The following COL27A1 variants were observed in gnomAD, a reference collection of about 807,000 sequenced individuals.
COL27A1 encodes collagen alpha-1(XXVII) chain.
COL27A1 carries 106 observed loss-of-function variants against 251.3 expected under a neutral mutation model. That is an observed-to-expected ratio of 0.42 (90% CI 0.36 to 0.50). The LOEUF (loss-of-function observed/expected upper bound fraction) is 0.50, where lower values mean the gene tolerates loss of function less well. Ranked by LOEUF, COL27A1 falls within the 20% of genes least tolerant of loss-of-function variation. The pLI is 0.00. For synonymous variants in COL27A1, 1,000 were observed against 986.3 expected, an observed-to-expected ratio of 1.01 and a Z score of -0.26; for missense variants, 2,325 against 2,522.8, an observed-to-expected ratio of 0.92 and a Z score of 1.68.
At chr9:114,231,718 G>A in intron 15 of COL27A1, 104 bp from the exon 16 acceptor site, 1 of 1,131,602 alleles carries the variant, frequency 8.8e-7, no homozygotes, top group Non-Finnish European at 1.3e-6. Context: ...ACTGAGGTTG[G>A]GGGATCTAGC....
chr9:114,270,698 C>T, intron 35 of COL27A1, 30 bp from the exon 36 acceptor site: 2 of 1,583,158 alleles, frequency 1.3e-6, no homozygotes, highest in Non-Finnish European at 1.7e-6. Flanking sequence ...CCAGTAACAT[C>T]TCCTCCTCTT....
At chr9:114,269,347 G>T (rs1020314074) in intron 35 of COL27A1, 53 bp downstream of exon 35, 20 of 1,362,362 alleles carry the variant, frequency 1.5e-5, no homozygotes, top group African/African-American at 4.3e-5. Context: ...TGTGGGTGCC[G>T]CAGGGGAAGA....
intron 6 of COL27A1, among the ~76,000 whole-genome samples, chr9:114,195,182 G>A (rs1053418259): frequency 6.6e-6 from 1 of 152,180 alleles, no homozygotes; most frequent in Non-Finnish European, 1.5e-5. Context: ...CTGATGGATG[G>A]AACACTGCTT....
chr9:114,263,584 G>A (rs1022282010), intron 28 of COL27A1, among the ~76,000 whole-genome samples: 7 of 152,162 alleles, frequency 4.6e-5, no homozygotes, highest in Admixed American at 1.3e-4. Flanking sequence ...GGATGAGAGC[G>A]GCTAATGTGT....
At chr9:114,243,149 T>C (rs937303401) in intron 22 of COL27A1, among the ~76,000 whole-genome samples, 3 of 152,186 alleles carry the variant, frequency 2.0e-5, no homozygotes, top group Non-Finnish European at 4.4e-5. Flanking sequence ...ACCCCTGTAG[T>C]CCTCAGGCCA....
chr9:114,252,447 G>A, intron 25 of COL27A1, 146 bp from the exon 26 acceptor site: 1 of 678,388 alleles, frequency 1.5e-6, no homozygotes. Flanking sequence ...GGGTGATGTG[G>A]CCATGAACTA....
chr9:114,269,193 G>A, intron 34 of COL27A1, 48 bp from the exon 35 acceptor site: 1 of 1,422,584 alleles, frequency 7.0e-7, no homozygotes, highest in East Asian at 2.5e-5. Flanking sequence ...GTCGAGAGCT[G>A]GGGCTGGCCC....
In COL27A1 at chr9:114,155,877, C is replaced by T. The variant is rs1564401918; in HGVS notation, c.-74C>T. ...TCTAAGCCGGCCTGGCGCGGCGGGG[C>T]GGGGGGCTGGCGGCCCCATGGGGCG... On this transcript the variant is annotated 5_prime_UTR_variant, in exon 1 of 61. Transcript: ENST00000356083. This position sits in a 1 kb window ranked among gnomAD's most constrained non-coding sequence, Gnocchi z 5.5. 2 of 1,090,292 alleles carry T rather than the reference C, an allele frequency of 1.8e-6. No individual in the cohort carries two copies. Among genetic ancestry groups the T allele is most frequent in the African/African-American group, 1.7e-5 (1 of 59,438 alleles). The allele number at this position is 1,090,292 out of a possible 1,614,324, so 67.5% of individuals were successfully genotyped here. A position where few individuals can be genotyped will look rare whatever the true frequency, so the allele number is the denominator to read the frequency against.
chr9:114,290,277 G>A lies in COL27A1; in HGVS notation c.4314G>A (p.Glu1438=), dbSNP rs780802436. The change falls in exon 47 of 61, where the codon GAG becomes GAA. Residue 1438 remains glutamate (E), a synonymous_variant. Coordinates refer to ENST00000356083, the MANE Select transcript of COL27A1 (RefSeq NM_032888.4). The surrounding 1 kb of genome is among the most constrained non-coding windows in gnomAD (Gnocchi z 4.6). Reference sequence around the variant, plus strand: ...GCGTGGTGGGGAGACAGGGCCTCGAGGGCATCGCTGGACCAGATGGGCTTC... The same window carrying A: ...GCGTGGTGGGGAGACAGGGCCTCGAAGGCATCGCTGGACCAGATGGGCTTC... ...PRGVVGRQGL[E]GIAGPDGLPG... 1.9e-6 allele frequency: 3 copies of A among 1,581,104 alleles called. No homozygotes were observed. The highest frequency in any genetic ancestry group is 2.3e-5 in the South Asian group (2 of 86,698).
chr9:114,218,084 A>G (rs1286925152), intron 12 of COL27A1: 14 of 316,560 alleles, frequency 4.4e-5, no homozygotes, highest in Non-Finnish European at 3.7e-5. Flanking sequence ...TTCAGCCTGG[A>G]TGACAGAGTG....
intron 37 of COL27A1, 69 bp downstream of exon 37, chr9:114,275,837 G>T: frequency 1.9e-6 from 2 of 1,050,684 alleles, no homozygotes; most frequent in Admixed American, 5.3e-5. Context: ...CTGTGCAGGC[G>T]GCTGGGCGGG....
chr9:114,243,645 G>A (rs1038207696), intron 23 of COL27A1, 85 bp downstream of exon 23: 22 of 1,158,906 alleles, frequency 1.9e-5, no homozygotes, highest in Non-Finnish European at 2.5e-5. Context: ...CAAATCCCAT[G>A]GCCAGTTGTG....
At chr9:114,235,944 G>A (rs1249719) in intron 17 of COL27A1, among the ~76,000 whole-genome samples, 10,023 of 151,996 alleles carry the variant, frequency 0.066, 485 homozygotes, top group African/African-American at 0.13. Context: ...CTCACACACC[G>A]TCCATGGCTC....
chr9:114,165,355 C>T (rs535814537), intron 2 of COL27A1, among the ~76,000 whole-genome samples: 1 of 152,226 alleles, frequency 6.6e-6, no homozygotes, highest in Middle Eastern at 3.4e-3. Flanking sequence ...ATCCATCCAT[C>T]CATCCATCCA....
intron 49 of COL27A1, among the ~76,000 whole-genome samples, chr9:114,294,245 C>T (rs1828116676): frequency 2.2e-5 from 2 of 89,336 alleles, no homozygotes. Flanking sequence ...GAGACTCTGT[C>T]TCAAAAAAAA....
In COL27A1 at chr9:114,205,137, C is replaced by G; in HGVS notation, c.2160C>G (p.Pro720=). 6.2e-7 allele frequency: 1 copy of G among 1,613,404 alleles called. No homozygotes were observed. Among genetic ancestry groups the G allele is most frequent in the Non-Finnish European group, 8.5e-7 (1 of 1,179,966 alleles). The change falls in exon 8 of 61, where the codon CCC becomes CCG. Residue 720 remains proline (P), a synonymous_variant. Transcript: ENST00000356083. ...GCTATCCTGGACCGGCAGGGCACCC[C>G]GGAGAACAGGTGAGGGCCTCAGCCT... ...HKGYPGPAGH[P]GEQGQPGPEG... is the part of the protein sequence containing the mutation.
At chr9:114,237,585 C>A in intron 18 of COL27A1, 77 bp from the exon 19 acceptor site, 2 of 1,223,746 alleles carry the variant, frequency 1.6e-6, no homozygotes, top group Non-Finnish European at 2.4e-6. Context: ...CCATCCACAA[C>A]CAGCGGGGGA....
At chr9:114,172,872 C>A (rs1033694728) in intron 3 of COL27A1, among the ~76,000 whole-genome samples, 7 of 152,180 alleles carry the variant, frequency 4.6e-5, no homozygotes, top group Non-Finnish European at 1.0e-4. Context: ...GAAATTCTTT[C>A]CTCTCCCCAG....
At chr9:114,308,423 A>T (rs959230314) in intron 59 of COL27A1, among the ~76,000 whole-genome samples, 2 of 152,176 alleles carry the variant, frequency 1.3e-5, no homozygotes, top group Admixed American at 6.5e-5. Flanking sequence ...CCCCTAGGAG[A>T]TGCCTTGTGC....
Sources: gnomAD v4.1 joint callset for allele counts (sites outside exome capture counted in the v4.1 genomes callset) on GRCh38, gnomAD v4.1.1 for gene constraint, Gnocchi (gnomAD v3.1) non-coding constraint, MANE v1.5 for transcripts, NCBI Gene and HGNC (gene_info 2026-07-23, HGNC 2026-07-21) for gene names.